Variants in UBASH3B observed in about 807,000 individuals in gnomAD.
UBASH3B encodes the protein ubiquitin associated and SH3 domain containing B, also known as ubiquitin-associated and SH3 domain-containing protein B.
Under a neutral mutation model 83.4 loss-of-function variants are expected in UBASH3B, and 37 were observed. That is an observed-to-expected ratio of 0.44 (90% CI 0.34 to 0.58). UBASH3B has a LOEUF of 0.58. Among genes scored for constraint, UBASH3B ranks in the 20% least tolerant of loss-of-function variants. The pLI is 0.01. For synonymous variants in UBASH3B, 304 were observed against 318.3 expected (o/e 0.96, Z 0.48); for missense variants, 657 against 827.2 (o/e 0.79, Z 2.52).
At chr11:122,739,450 G>A (rs936294627) in intron 1 of UBASH3B, among the ~76,000 whole-genome samples, 3 of 152,180 alleles carry the variant, frequency 2.0e-5, no homozygotes, top group African/African-American at 7.2e-5. Context: ...TTCTCTCTGA[G>A]GTTCTTTTGG....
At chr11:122,725,079 C>A (rs1860710068) in intron 1 of UBASH3B, among the ~76,000 whole-genome samples, 1 of 127,016 alleles carries the variant, frequency 7.9e-6, no homozygotes, top group Non-Finnish European at 1.6e-5. Context: ...AATCAATTCT[C>A]CTGCCTCAGC....
chr11:122,781,198 C>T (rs181189388), intron 4 of UBASH3B, among the ~76,000 whole-genome samples: 12 of 151,310 alleles, frequency 7.9e-5, no homozygotes, highest in South Asian at 4.2e-4. Flanking sequence ...TCTCCCTCAG[C>T]GACGGGACTA....
At chr11:122,702,583 G>T (rs1864056076) in intron 1 of UBASH3B, among the ~76,000 whole-genome samples, 1 of 151,664 alleles carries the variant, frequency 6.6e-6, no homozygotes, top group Non-Finnish European at 1.5e-5. Flanking sequence ...GGAGTGCAAT[G>T]GTGCGATCTC....
At chr11:122,805,389 G>A (rs921334727) in intron 11 of UBASH3B, among the ~76,000 whole-genome samples, 36 of 152,220 alleles carry the variant, frequency 2.4e-4, no homozygotes, top group Non-Finnish European at 2.1e-4. Context: ...AAAATTAGCC[G>A]GGTGTGGTGG....
intron 1 of UBASH3B, among the ~76,000 whole-genome samples, chr11:122,769,679 T>C (rs1428651962): frequency 1.3e-5 from 2 of 152,336 alleles, no homozygotes; most frequent in African/African-American, 4.8e-5. Flanking sequence ...AACTACTTTA[T>C]GAAAAAGTGT....
At position 122,699,188 on chromosome 11, in the gene UBASH3B, G is replaced by C. The variant is rs1387656531; in HGVS notation, c.161+42978G>C. On this transcript the variant is annotated intron_variant, in intron 1 of 13. Coordinates refer to ENST00000284273, the MANE Select transcript of UBASH3B (RefSeq NM_032873.5). ...AAATCTTTTCGCCCCTGATGGAGGA[G>C]GGGCATGGGAGGGAACTGGTATCTA... 5.9e-5 allele frequency among the ~76,000 whole-genome samples: 9 copies of C among 152,328 alleles called. No individual in the cohort carries two copies. The East Asian group carries it at 1.7e-3, about 29-fold the overall frequency.
rs568564848 is a variant in UBASH3B, at chr11:122,662,972, C to CTT, written c.161+6783_161+6784dup. On this transcript the variant is annotated intron_variant, in intron 1 of 13. Coordinates refer to ENST00000284273, the MANE Select transcript of UBASH3B (RefSeq NM_032873.5). Reference sequence around the variant, plus strand: ...AAAATTCCCTCTTACGCGCTAATGTCTTTTTTTTTTTTTTTTTTTTTTGAG... The same window carrying CTT: ...AAAATTCCCTCTTACGCGCTAATGTCTTTTTTTTTTTTTTTTTTTTTTTTGAG... 3.7e-3 allele frequency among the ~76,000 whole-genome samples: 412 copies of CTT among 110,526 alleles called. 6 individuals carry two copies. Among genetic ancestry groups the CTT allele is most frequent in the African/African-American group, 6.5e-3 (178 of 27,252 alleles). The allele number at this position is 110,526 out of a possible 152,430, so 72.5% of individuals were successfully genotyped here.
chr11:122,792,139 A>G (rs115805636), intron 6 of UBASH3B, among the ~76,000 whole-genome samples: 73 of 151,992 alleles, frequency 4.8e-4, no homozygotes, highest in African/African-American at 1.7e-3. Context: ...AGAGGCTGGC[A>G]TTCGTCTTGC....
In UBASH3B at chr11:122,758,955, C is replaced by A. The variant is rs1861326631; in HGVS notation, c.162-17264C>A. Among the ~76,000 whole-genome samples, 1 of 152,106 alleles carries A rather than the reference C, an allele frequency of 6.6e-6. No homozygotes were observed. Among genetic ancestry groups the A allele is most frequent in the Non-Finnish European group, 1.5e-5 (1 of 68,022 alleles). On this transcript the variant is annotated intron_variant, in intron 1 of 13. Coordinates refer to ENST00000284273, the MANE Select transcript of UBASH3B (RefSeq NM_032873.5). This position sits in a 1 kb window ranked among gnomAD's most constrained non-coding sequence, Gnocchi z 4.2. ...CTTCCTGAAAAGCTAGGTGTTTTCA[C>A]TTTTTATGACTCAGCACTCTAACTT...
chr11:122,785,483 A>ATTT (rs1860931262), intron 5 of UBASH3B, among the ~76,000 whole-genome samples: 1 of 152,190 alleles, frequency 6.6e-6, no homozygotes, highest in Non-Finnish European at 1.5e-5. Flanking sequence ...GGAAAACTCC[A>ATTT]AGGCCTCATT....
At chr11:122,767,929 T>A (rs1455845740) in intron 1 of UBASH3B, among the ~76,000 whole-genome samples, 1 of 152,182 alleles carries the variant, frequency 6.6e-6, no homozygotes, top group African/African-American at 2.4e-5. Flanking sequence ...CTTAATGATG[T>A]CTCTGCGTTT....
At chr11:122,709,617 G>A (rs963006742) in intron 1 of UBASH3B, 1 of 152,134 alleles carries the variant, frequency 6.6e-6, no homozygotes, top group Non-Finnish European at 1.5e-5. Context: ...GCAGCTGCTG[G>A]TTAACTCTTT....
At chr11:122,807,326 ATG>A (rs1279623698) in intron 12 of UBASH3B, among the ~76,000 whole-genome samples, 2 of 152,222 alleles carry the variant, frequency 1.3e-5, no homozygotes, top group Admixed American at 6.5e-5. Flanking sequence ...AGCTACACAT[ATG>A]ATAGAATTGC....
chr11:122,806,816 A>C lies in UBASH3B; in HGVS notation c.1702+300A>C, dbSNP rs1861348469. 6.6e-6 allele frequency among the ~76,000 whole-genome samples: 1 copy of C among 152,216 alleles called. No individual in the cohort carries two copies. Among genetic ancestry groups the C allele is most frequent in the Non-Finnish European group, 1.5e-5 (1 of 68,046 alleles). ...TCTTATAATTTCCAAAAGCTCTAGC[A>C]TGCCACTGTTTTGCCTATAATTGAT... On this transcript the variant is annotated intron_variant, in intron 12 of 13. Transcript: ENST00000284273. This position sits in a 1 kb window ranked among gnomAD's most constrained non-coding sequence, Gnocchi z 4.0.
At position 122,809,833 on chromosome 11, in the gene UBASH3B, A is replaced by G; in HGVS notation, c.1897A>G (p.Thr633Ala). The G allele has an allele frequency of 1.9e-6, 3 of 1,614,090 alleles. No individual in the cohort carries two copies. The highest frequency in any genetic ancestry group is 2.5e-6 in the Non-Finnish European group (3 of 1,180,008). Residue 633 changes from threonine to alanine, a missense_variant, in exon 14 of 14, where the codon ACC becomes GCC. Coordinates refer to ENST00000284273, the MANE Select transcript of UBASH3B (RefSeq NM_032873.5). ...QLTDPPILPL[T>A]HGPTGGFNWR... ...GACAGATCCACCAATCCTTCCTCTT[A>G]CCCATGGACCAACTGGGGGCTTCAA...
intron 5 of UBASH3B, among the ~76,000 whole-genome samples, chr11:122,786,559 A>C (rs777689350): frequency 6.6e-6 from 1 of 152,160 alleles, no homozygotes; most frequent in Non-Finnish European, 1.5e-5. Flanking sequence ...CGGGAGGCTG[A>C]GACAGGAGAA....
chr11:122,757,765 G>A (rs1029677885), intron 1 of UBASH3B, among the ~76,000 whole-genome samples: 6 of 134,262 alleles, frequency 4.5e-5, no homozygotes, highest in Admixed American at 3.3e-4. Flanking sequence ...CCAGGCTGAA[G>A]TGCAGTGGTG....
At chr11:122,714,304 C>T (rs1864238293) in intron 1 of UBASH3B, among the ~76,000 whole-genome samples, 1 of 152,222 alleles carries the variant, frequency 6.6e-6, no homozygotes, top group Non-Finnish European at 1.5e-5. Context: ...CGCTTGAACT[C>T]CTCCATTCTT....
At chr11:122,764,064 CG>C (rs1191837961) in intron 1 of UBASH3B, among the ~76,000 whole-genome samples, 1 of 152,042 alleles carries the variant, frequency 6.6e-6, no homozygotes, top group Non-Finnish European at 1.5e-5. Flanking sequence ...AAAAGGGTGG[CG>C]TAAGTTTGAG....
Sources: allele counts gnomAD v4.1 joint callset (sites outside exome capture counted in the v4.1 genomes callset), GRCh38; gene constraint gnomAD v4.1.1; non-coding constraint Gnocchi (gnomAD v3.1); transcripts MANE v1.5; gene names NCBI Gene and HGNC (gene_info 2026-07-23, HGNC 2026-07-21).